GART: variants seen among roughly 807,000 people sequenced by gnomAD.
GART encodes the protein phosphoribosylglycinamide formyltransferase, phosphoribosylglycinamide synthetase, phosphoribosylaminoimidazole synthetase, also known as trifunctional purine biosynthetic protein adenosine-3.
In GART, 43 loss-of-function variants were observed where a neutral mutation model predicts 107.2. The ratio of observed to expected loss-of-function variants is 0.40; its 90% CI spans 0.31 to 0.52. The LOEUF (loss-of-function observed/expected upper bound fraction) is 0.52, where lower values mean the gene tolerates loss of function less well. GART is among the 20% of genes least tolerant of loss of function. GART has a pLI of 0.52. For missense variants in GART, 1,107 were observed against 1,206.5 expected, an observed-to-expected ratio of 0.92 and a Z score of 1.22; for synonymous variants, 434 against 427.0, an observed-to-expected ratio of 1.02 and a Z score of -0.20.
chr21:33,525,589 C>T (rs2085058455), intron 10 of GART, among the ~76,000 whole-genome samples: 1 of 152,076 alleles, frequency 6.6e-6, no homozygotes, highest in South Asian at 2.1e-4. Context: ...TGCCACCACA[C>T]CCAGCTAATT....
intron 8 of GART, 81 bp from the exon 9 acceptor site, chr21:33,528,685 T>C: frequency 9.6e-7 from 1 of 1,045,700 alleles, no homozygotes; most frequent in Non-Finnish European, 1.4e-6. Flanking sequence ...TAAAATCTAC[T>C]ACATAAACTT....
At chr21:33,515,666 A>C (rs1396297165) in intron 16 of GART, among the ~76,000 whole-genome samples, 7 of 151,142 alleles carry the variant, frequency 4.6e-5, no homozygotes, top group African/African-American at 1.2e-4. Flanking sequence ...AAAAAAAAAA[A>C]AAAAAAAAAC....
At chr21:33,537,805 G>A (rs1192422431) in intron 2 of GART, among the ~76,000 whole-genome samples, 1 of 152,170 alleles carries the variant, frequency 6.6e-6, no homozygotes, top group Non-Finnish European at 1.5e-5. Flanking sequence ...GCAGAAGACA[G>A]ACTGCACAAA....
intron 7 of GART, among the ~76,000 whole-genome samples, chr21:33,529,374 T>C (rs1280104844): frequency 6.6e-6 from 1 of 152,164 alleles, no homozygotes; most frequent in Non-Finnish European, 1.5e-5. Flanking sequence ...TACAAGTGTT[T>C]GGATTACAGG....
intron 4 of GART, among the ~76,000 whole-genome samples, chr21:33,533,775 T>C (rs2085244764): frequency 6.6e-6 from 1 of 152,002 alleles, no homozygotes; most frequent in Admixed American, 6.6e-5. Flanking sequence ...AGTAGTGGTG[T>C]GTGCCTATTG....
intron 17 of GART, 100 bp downstream of exon 17, chr21:33,511,152 G>T: frequency 8.5e-7 from 1 of 1,178,142 alleles, no homozygotes; most frequent in Non-Finnish European, 1.3e-6. Flanking sequence ...AGCGATGGCT[G>T]CACTAAAAGG....
At chr21:33,540,647 T>A (rs1051064580) in intron 1 of GART, among the ~76,000 whole-genome samples, 2 of 152,184 alleles carry the variant, frequency 1.3e-5, no homozygotes, top group Admixed American at 6.5e-5. Context: ...ATAAGTACAA[T>A]CTGGCACTCA....
intron 10 of GART, among the ~76,000 whole-genome samples, chr21:33,527,382 G>A (rs1379890915): frequency 6.6e-6 from 1 of 152,116 alleles, no homozygotes; most frequent in Non-Finnish European, 1.5e-5. Flanking sequence ...AGCTGGGCCT[G>A]GTAGCATACA....
rs776161541 is a variant in GART, at chr21:33,520,408, G to A, written c.1658C>T (p.Ala553Val). Residue 553 changes from alanine (A) to valine (V), a missense_variant, in exon 14 of 22, where the codon GCT (alanine) becomes GTT (valine). Transcript: ENST00000381815. ...TTTTCCACAAGCTTTAGCAATTCCAGCAACAACAGCTTCAGTTACACTGAG... is the reference window on the plus strand; with the variant it reads ...TTTTCCACAAGCTTTAGCAATTCCAACAACAACAGCTTCAGTTACACTGAG... ...LDLSVTEAVV[A>V]GIAKACGKAG... The A allele has an allele frequency of 4.3e-6, 7 of 1,614,104 alleles. No homozygotes were observed. The highest frequency in any genetic ancestry group is 5.9e-6 in the Non-Finnish European group (7 of 1,179,982).
chr21:33,503,958 C>T lies in GART; in HGVS notation c.*166G>A. The T allele has an allele frequency of 1.8e-6, 1 of 562,678 alleles. No individual in the cohort carries two copies. Among genetic ancestry groups the T allele is most frequent in the East Asian group, 2.9e-5 (1 of 34,958 alleles). 34.9% of individuals were successfully genotyped at this position (562,678 alleles called of 1,614,324 possible). A position where few individuals can be genotyped will look rare whatever the true frequency, so the allele number is the denominator to read the frequency against. Reference sequence around the variant, plus strand: ...TCTCAGATATGCTGCACTAACTAGTCTTGTTTTTAGTGAGTCTCTATTTAT... The same window carrying T: ...TCTCAGATATGCTGCACTAACTAGTTTTGTTTTTAGTGAGTCTCTATTTAT... On this transcript the variant is annotated 3_prime_UTR_variant, in exon 22 of 22. Coordinates refer to ENST00000381815, the MANE Select transcript of GART (RefSeq NM_000819.5).
At chr21:33,512,461 T>A (rs939659611) in intron 16 of GART, among the ~76,000 whole-genome samples, 3 of 152,096 alleles carry the variant, frequency 2.0e-5, no homozygotes, top group Non-Finnish European at 4.4e-5. Context: ...TCTGATTTTT[T>A]AAAAAAACTA....
intron 12 of GART, among the ~76,000 whole-genome samples, chr21:33,521,985 A>G (rs1252336873): frequency 6.6e-6 from 1 of 151,930 alleles, no homozygotes; most frequent in Non-Finnish European, 1.5e-5. Context: ...AGGAGCATAC[A>G]TATCCTTTTG....
At chr21:33,528,072 T>A in intron 10 of GART, 95 bp downstream of exon 10, 2 of 1,189,020 alleles carry the variant, frequency 1.7e-6, no homozygotes, top group Non-Finnish European at 2.5e-6. Flanking sequence ...GGCTTCACAC[T>A]CTTATCGAGA....
At chr21:33,530,685 TAGAA>T (rs2085168331) in intron 7 of GART, 70 bp downstream of exon 7, 2 of 1,286,632 alleles carry the variant, frequency 1.6e-6, no homozygotes, top group South Asian at 5.9e-5. Context: ...CAAAACAAAA[TAGAA>T]AGTATCATCT....
intron 2 of GART, 148 bp from the exon 3 acceptor site, chr21:33,535,468 T>C: frequency 1.9e-6 from 1 of 514,776 alleles, no homozygotes; most frequent in Non-Finnish European, 3.4e-6. Flanking sequence ...AGATGACAGT[T>C]TCAACATGTG....
At chr21:33,522,020 A>C (rs2084982468) in intron 12 of GART, among the ~76,000 whole-genome samples, 168 bp downstream of exon 12, 3 of 152,122 alleles carry the variant, frequency 2.0e-5, no homozygotes, top group Admixed American at 6.6e-5. Flanking sequence ...GATGAGAAAT[A>C]CTTTAATATT....
At chr21:33,538,857 T>C (rs998261065) in intron 2 of GART, among the ~76,000 whole-genome samples, 1 of 152,118 alleles carries the variant, frequency 6.6e-6, no homozygotes, top group African/African-American at 2.4e-5. Context: ...GTCAGCTTAC[T>C]ACAAGCTCCA....
chr21:33,540,307 G>A (rs1220673680), intron 1 of GART, among the ~76,000 whole-genome samples: 2 of 152,174 alleles, frequency 1.3e-5, no homozygotes, highest in East Asian at 3.8e-4. Context: ...ACAAATAAAC[G>A]TGACTCGCTT....
At chr21:33,527,317 G>A (rs2085092003) in intron 10 of GART, among the ~76,000 whole-genome samples, 2 of 152,052 alleles carry the variant, frequency 1.3e-5, no homozygotes, top group South Asian at 4.1e-4. Context: ...TCAGGAGTTC[G>A]AGACCAGCCG....
Sources: gnomAD v4.1 joint callset for allele counts (sites outside exome capture counted in the v4.1 genomes callset) on GRCh38, gnomAD v4.1.1 for gene constraint, MANE v1.5 for transcripts, NCBI Gene and HGNC (gene_info 2026-07-23, HGNC 2026-07-21) for gene names.